TMEM91: variants seen among roughly 807,000 people sequenced by gnomAD.
The protein encoded by TMEM91 is transmembrane protein 91, also known as dispanin subfamily C member 3.
Under a neutral mutation model 13.3 loss-of-function variants are expected in TMEM91, and 6 were observed. The observed-to-expected ratio is 0.45, with a 90% confidence interval of 0.25 to 0.89. The LOEUF (loss-of-function observed/expected upper bound fraction) is 0.89, where lower values mean the gene tolerates loss of function less well. Ranked by LOEUF, TMEM91 falls within the 40% of genes least tolerant of loss-of-function variation. The probability of loss-of-function intolerance (pLI) is 0.19; values close to 1 mark genes in which losing one functional copy is unlikely to be tolerated. For missense variants in TMEM91, 193 were observed against 228.7 expected (o/e 0.84, Z 1.01); for synonymous variants, 87 against 101.7 (o/e 0.86, Z 0.87).
At chr19:41,371,818 A>C (rs1338120054), upstream of TMEM91, among the ~76,000 whole-genome samples, 1 of 152,132 alleles carries the variant, frequency 6.6e-6, no homozygotes, top group East Asian at 1.9e-4. Flanking sequence ...TATTTCACTT[A>C]GCATAGTGTC....
intron 1 of TMEM91, among the ~76,000 whole-genome samples, chr19:41,370,795 T>C (rs2038604017): frequency 1.3e-5 from 2 of 151,978 alleles, no homozygotes; most frequent in African/African-American, 4.8e-5. Flanking sequence ...CTCTGCCTCC[T>C]GGCTTCAAGG....
intron 2 of TMEM91, among the ~76,000 whole-genome samples, chr19:41,382,516 G>A (rs1599933547): frequency 2.0e-5 from 3 of 152,128 alleles, no homozygotes; most frequent in Admixed American, 6.5e-5. Context: ...CCAGCTACTC[G>A]GGAAGCTGAG....
upstream of TMEM91, among the ~76,000 whole-genome samples, chr19:41,375,798 G>A (rs373935887): frequency 2.4e-3 from 357 of 150,054 alleles, 3 homozygotes; most frequent in African/African-American, 8.3e-3. Flanking sequence ...GGCGATCAGA[G>A]CAAGACCCCG....
intron 2 of TMEM91, among the ~76,000 whole-genome samples, chr19:41,379,773 T>C (rs2038832632): frequency 6.6e-6 from 1 of 151,962 alleles, no homozygotes. Flanking sequence ...GGGACTTAGT[T>C]GCATGGTTCT....
At chr19:41,382,669 A>G in intron 2 of TMEM91, 103 bp from the exon 3 acceptor site, 2 of 1,433,130 alleles carry the variant, frequency 1.4e-6, no homozygotes, top group Non-Finnish European at 1.9e-6. Flanking sequence ...ATCTCTGGGG[A>G]AGCCCTAGGG....
At chr19:41,369,371 A>G (rs1422323776) in intron 1 of TMEM91, among the ~76,000 whole-genome samples, 1 of 151,742 alleles carries the variant, frequency 6.6e-6, no homozygotes, top group East Asian at 1.9e-4. Flanking sequence ...TTTGCCATGT[A>G]TGGCCGCGCC....
chr19:41,370,906 T>C (rs1487261737), intron 1 of TMEM91, among the ~76,000 whole-genome samples: 1 of 151,402 alleles, frequency 6.6e-6, no homozygotes, highest in African/African-American at 2.4e-5. Context: ...TTTCACCATG[T>C]TGGCCAGGAT....
At chr19:41,365,549 C>CAT (rs2038505798) in intron 1 of TMEM91, among the ~76,000 whole-genome samples, 3 of 151,706 alleles carry the variant, frequency 2.0e-5, no homozygotes, top group African/African-American at 7.3e-5. Context: ...GGACTACAGG[C>CAT]GTGCACCACC....
rs1478134258 is a variant in TMEM91 at position 41,376,821 on chromosome 19, G to C, written c.-63G>C. 1 of 152,396 alleles carries C rather than the reference G, an allele frequency of 6.6e-6. No homozygotes were observed. Among genetic ancestry groups the C allele is most frequent in the African/African-American group, 2.4e-5 (1 of 41,442 alleles). 9.4% of individuals were successfully genotyped at this position (152,396 alleles called of 1,614,324 possible). On this transcript the variant is annotated 5_prime_UTR_variant, in exon 1 of 4. Transcript: ENST00000392002. ...AGGGTCCGGGCAAGTGTCATTGCGA[G>C]GGTTCAGGAAGCCCCGGCCTGTGAT...
At chr19:41,377,738 C>T (rs147438474) in intron 1 of TMEM91, among the ~76,000 whole-genome samples, 1,844 of 151,774 alleles carry the variant, frequency 0.012, 49 homozygotes, top group African/African-American at 0.042. Flanking sequence ...TGGCTGGGTG[C>T]GGTGGCTCAC....
intron 1 of TMEM91, among the ~76,000 whole-genome samples, chr19:41,367,483 T>C (rs2038546758): frequency 6.6e-6 from 1 of 151,824 alleles, no homozygotes. Flanking sequence ...ATACAAAAAT[T>C]AGCTGGGCAT....
At position 41,378,397 on chromosome 19, in the gene TMEM91, G is replaced by A. The variant is rs751821859; in HGVS notation, c.88G>A (p.Glu30Lys). 8 of 1,614,098 alleles carry A rather than the reference G, an allele frequency of 5.0e-6. No individual in the cohort carries two copies. In the African/African-American group the frequency reaches 8.0e-5, roughly 16 times the overall value. Residue 30 changes from glutamate to lysine, a missense_variant, in exon 2 of 4, where the codon GAG (glutamate) becomes AAG (lysine). Transcript: ENST00000392002. ...ETPAQKPGRH[E>K]LGSPLREIAF... ...CCCTGCCCAGAAGCCTGGCAGGCAT[G>A]AGCTGGGGTCCCCCTTAAGAGAGAT...
upstream of TMEM91, among the ~76,000 whole-genome samples, chr19:41,372,517 GTTATTTA>G (rs1247604175): frequency 3.5e-5 from 3 of 84,602 alleles, no homozygotes; most frequent in African/African-American, 1.3e-4. Flanking sequence ...TTATTTTATT[GTTATTTA>G]TTATTATTAC....
intron 1 of TMEM91, among the ~76,000 whole-genome samples, chr19:41,367,077 G>A (rs2038539351): frequency 6.6e-6 from 1 of 152,102 alleles, no homozygotes; most frequent in Non-Finnish European, 1.5e-5. Flanking sequence ...GGAGGCAGCA[G>A]TTGCAGTGAG....
chr19:41,377,488 G>A (rs2038749000), intron 1 of TMEM91, among the ~76,000 whole-genome samples: 1 of 150,816 alleles, frequency 6.6e-6, no homozygotes. Flanking sequence ...GGGGACAGAG[G>A]ATGGGGAATG....
chr19:41,383,496 T>C, intron 3 of TMEM91: 1 of 1,432,130 alleles, frequency 7.0e-7, no homozygotes, highest in Non-Finnish European at 9.2e-7. Context: ...ATGTTTTTAT[T>C]TATTTTTTAA....
chr19:41,378,658 T>C, intron 2 of TMEM91, 139 bp downstream of exon 2: 1 of 838,026 alleles, frequency 1.2e-6, no homozygotes, highest in African/African-American at 1.7e-5. Context: ...TGTGGGCTTC[T>C]GAGATTTCCA....
intron 1 of TMEM91, among the ~76,000 whole-genome samples, chr19:41,366,052 CT>C (rs11375696): frequency 0.12 from 12,732 of 105,550 alleles, 577 homozygotes; most frequent in African/African-American, 0.2. Context: ...TATTTATTTA[CT>C]TTTTTTTTTT....
rs1484396170 is a variant in TMEM91 at position 41,378,385 on chromosome 19, C to G, written c.76C>G (p.Pro26Ala). The change falls in exon 2 of 4, where the codon CCT (proline) becomes GCT (alanine). Residue 26 changes from proline to alanine, a missense_variant. By Grantham distance (27) the Pro-to-Ala change is conservative. Coordinates refer to ENST00000392002, the MANE Select transcript of TMEM91 (RefSeq NM_001098821.2). The part of the protein sequence containing the change: ...GTECETPAQK[P>A]GRHELGSPLR... The stretch of plus-strand genomic sequence containing the variant: ...AGAATGTGAGACCCCTGCCCAGAAG[C>G]CTGGCAGGCATGAGCTGGGGTCCCC... The G allele has an allele frequency of 1.2e-6, 2 of 1,614,102 alleles. No individual in the cohort carries two copies. Among genetic ancestry groups the G allele is most frequent in the Non-Finnish European group, 1.7e-6 (2 of 1,180,044 alleles).
Sources: gnomAD v4.1 joint callset for allele counts (sites outside exome capture counted in the v4.1 genomes callset) on GRCh38, gnomAD v4.1.1 for gene constraint, MANE v1.5 for transcripts, NCBI Gene and HGNC (gene_info 2026-07-23, HGNC 2026-07-21) for gene names.